The following ZDHHC4 variants were observed in gnomAD, a reference collection of about 807,000 sequenced individuals.
ZDHHC4 encodes the protein palmitoyltransferase ZDHHC4.
A neutral mutation model predicts 36.7 loss-of-function variants in ZDHHC4; 42 were observed. The ratio of observed to expected loss-of-function variants is 1.14; its 90% CI spans 0.89 to 1.48. The LOEUF (loss-of-function observed/expected upper bound fraction) is 1.48, where lower values mean the gene tolerates loss of function less well. Among genes scored for constraint, ZDHHC4 ranks in the 40% most tolerant of loss-of-function variants. The probability of loss-of-function intolerance (pLI) is 0.00; values close to 1 mark genes in which losing one functional copy is unlikely to be tolerated. For missense variants in ZDHHC4, 457 were observed against 421.5 expected (o/e 1.08, Z -0.74); for synonymous variants, 189 against 166.6 (o/e 1.13, Z -1.03).
At chr7:6,582,505 C>T (rs1208657307) in intron 5 of ZDHHC4, among the ~76,000 whole-genome samples, 1 of 151,932 alleles carries the variant, frequency 6.6e-6, no homozygotes, top group East Asian at 1.9e-4. Flanking sequence ...AGCATGTGAT[C>T]GGTATGGTAC....
intron 2 of ZDHHC4, among the ~76,000 whole-genome samples, chr7:6,580,226 C>G (rs201073830): frequency 6.6e-6 from 1 of 152,018 alleles, no homozygotes; most frequent in Non-Finnish European, 1.5e-5. Flanking sequence ...GTCTCGAACT[C>G]CTGAGCTCAA....
Position 6,582,234 on chromosome 7 carries a change from C to G in ZDHHC4, c.353C>G (p.Thr118Ser), listed in dbSNP as rs1358491045. Reference sequence around the variant, plus strand: ...GTAAACCTGTTTTTTTTCACCCTGACTTGTGGAACCAATCCTGGTAAGTTG... The same window carrying G: ...GTAAACCTGTTTTTTTTCACCCTGAGTTGTGGAACCAATCCTGGTAAGTTG... ...LGVNLFFFTL[T>S]CGTNPGIITK... The change falls in exon 5 of 8, where the codon ACT becomes AGT. Residue 118 changes from threonine (T) to serine (S), a missense_variant. Coordinates refer to ENST00000335965, the MANE Select transcript of ZDHHC4 (RefSeq NM_001134389.2). The G allele has an allele frequency of 1.9e-6, 3 of 1,614,036 alleles. No individual in the cohort carries two copies. In the Middle Eastern group the frequency reaches 5.0e-4, roughly 266 times the overall value.
At chr7:6,584,761 A>G in intron 6 of ZDHHC4, 1 of 501,026 alleles carries the variant, frequency 2.0e-6, no homozygotes, top group Non-Finnish European at 3.6e-6. Flanking sequence ...GCCTCTGAGT[A>G]GCTGGGACCA....
chr7:6,581,041 G>A (rs926772334), intron 3 of ZDHHC4: 1 of 273,990 alleles, frequency 3.6e-6, no homozygotes, highest in Non-Finnish European at 7.0e-6. Context: ...CTCTTGCGGT[G>A]GTGCTTTGAG....
chr7:6,581,964 A>G (rs1780882320), intron 4 of ZDHHC4, 109 bp from the exon 5 acceptor site: 1 of 1,104,964 alleles, frequency 9.1e-7, no homozygotes, highest in Non-Finnish European at 1.3e-6. Context: ...AATTCTTACT[A>G]TTATCTCAAG....
chr7:6,577,798 A>T (rs1780539860), intron 1 of ZDHHC4: 1 of 151,860 alleles, frequency 6.6e-6, no homozygotes, highest in Non-Finnish European at 1.5e-5. Context: ...GACTTGGCTT[A>T]TTTCTTCCCA....
At chr7:6,579,492 G>A (rs373197785) in intron 2 of ZDHHC4, among the ~76,000 whole-genome samples, 3 of 152,212 alleles carry the variant, frequency 2.0e-5, no homozygotes, top group Middle Eastern at 3.4e-3. Context: ...GAGCCACCAC[G>A]CTCGGCCTCA....
chr7:6,588,806 G>A lies in ZDHHC4; in HGVS notation c.931G>A (p.Glu311Lys), dbSNP rs767490328. 1 of 1,614,168 alleles carries A rather than the reference G, an allele frequency of 6.2e-7. No homozygotes were observed. Among genetic ancestry groups the A allele is most frequent in the Admixed American group, 1.7e-5 (1 of 60,014 alleles). ...CCTTGTGGCCTGGCCTCCGTCAGCAGAGCCCCAAGTCCACCGGAACATTCA... is the reference window on the plus strand; with the variant it reads ...CCTTGTGGCCTGGCCTCCGTCAGCAAAGCCCCAAGTCCACCGGAACATTCA... ...CPLVAWPPSA[E>K]PQVHRNIHSH... Residue 311 changes from glutamate to lysine, a missense_variant, in exon 8 of 8, where the codon GAG (glutamate) becomes AAG (lysine). Coordinates refer to ENST00000335965, the MANE Select transcript of ZDHHC4 (RefSeq NM_001134389.2).
intron 2 of ZDHHC4, among the ~76,000 whole-genome samples, chr7:6,580,098 G>A (rs1298831788): frequency 6.6e-6 from 1 of 151,962 alleles, no homozygotes; most frequent in African/African-American, 2.4e-5. Flanking sequence ...TCACGCCACC[G>A]CACTGCAACC....
intron 6 of ZDHHC4, 67 bp downstream of exon 6, chr7:6,583,498 G>T: frequency 6.4e-7 from 1 of 1,551,236 alleles, no homozygotes; most frequent in Middle Eastern, 1.7e-4. Context: ...GTCTGTGAGG[G>T]AATGTTTCCT....
rs1781445811 is a variant in ZDHHC4 at position 6,588,708 on chromosome 7, T to C, written c.833T>C (p.Leu278Pro). The C allele has an allele frequency of 2.5e-6, 4 of 1,614,120 alleles. No homozygotes were observed. Among genetic ancestry groups the C allele is most frequent in the Non-Finnish European group, 3.4e-6 (4 of 1,180,044 alleles). Residue 278 changes from leucine to proline, a missense_variant, in exon 8 of 8, where the codon CTG becomes CCG. Physicochemically the swap from Leu to Pro is moderately conservative, Grantham distance 98 (BLOSUM62 -3). Transcript: ENST00000335965. Reference sequence around the variant, plus strand: ...CTGGGTGGCTACCTGTTGTTTGTCCTGTATCTGGCGGCCACCAACCAGACT... The same window carrying C: ...CTGGGTGGCTACCTGTTGTTTGTCCCGTATCTGGCGGCCACCAACCAGACT... ...FLLGGYLLFVLYLAATNQTTN... is the reference protein window; with the variant it reads ...FLLGGYLLFVPYLAATNQTTN...
intron 7 of ZDHHC4, 41 bp from the exon 8 acceptor site, chr7:6,588,576 C>T (rs1562547040): frequency 1.3e-6 from 2 of 1,595,596 alleles, no homozygotes; most frequent in South Asian, 1.1e-5. Context: ...ATGGATGTCA[C>T]AGTCCAGCTG....
Position 6,588,625 on chromosome 7 carries a change from C to T in ZDHHC4, c.750C>T (p.Phe250=), listed in dbSNP as rs372308448. ...CTTTTCTCTGCTCCTAGTACCTGTT[C>T]CTGACTTTTCCACGGATTGTCTTCA... The part of the protein sequence containing the change: ...MDTVFLIQYL[F]LTFPRIVFML... The change falls in exon 8 of 8, where the codon TTC becomes TTT. Residue 250 remains phenylalanine, a synonymous_variant. Transcript: ENST00000335965. 6 of 1,613,968 alleles carry T rather than the reference C, an allele frequency of 3.7e-6. No homozygotes were observed. Among genetic ancestry groups the T allele is most frequent in the Middle Eastern group, 1.6e-4 (1 of 6,084 alleles).
At chr7:6,585,622 T>A (rs564738587) in intron 7 of ZDHHC4, among the ~76,000 whole-genome samples, 1 of 151,752 alleles carries the variant, frequency 6.6e-6, no homozygotes, top group South Asian at 2.1e-4. Context: ...CTGGGCAACA[T>A]GGTGAAACCC....
At chr7:6,580,926 A>G (rs1780802313) in intron 3 of ZDHHC4, 1 of 485,558 alleles carries the variant, frequency 2.1e-6, no homozygotes, top group East Asian at 3.5e-5. Context: ...AACAACAACA[A>G]AAAAGATGCC....
chr7:6,579,011 T>TG (rs1038993301), intron 2 of ZDHHC4, among the ~76,000 whole-genome samples: 16 of 151,884 alleles, frequency 1.1e-4, no homozygotes, highest in African/African-American at 3.6e-4. Context: ...TTTGTAGAGA[T>TG]GGGGGTCTCG....
Position 6,585,315 on chromosome 7 carries a change from T to G in ZDHHC4, c.741+55T>G, listed in dbSNP as rs148411137. On this transcript the variant is annotated intron_variant, in intron 7 of 7. Transcript: ENST00000335965. Reference sequence around the variant, plus strand: ...GTTTCAGAATCGCAAAAAAGACATTTATTTTTCCAGTAAAAGCATGAAGTT... The same window carrying G: ...GTTTCAGAATCGCAAAAAAGACATTGATTTTTCCAGTAAAAGCATGAAGTT... The G allele has an allele frequency of 2.1e-5, 33 of 1,588,288 alleles. No homozygotes were observed. In the African/African-American group the frequency reaches 3.9e-4, roughly 19 times the overall value.
rs1781475937 is a variant in ZDHHC4 at position 6,588,983 on chromosome 7, C to G, written c.*73C>G. ...GTGGATCCTCGTTTTCCAAGCATGG[C>G]TTGTTTGTTTTGATTTCTGCTGTGC... On this transcript the variant is annotated 3_prime_UTR_variant, in exon 8 of 8. Coordinates refer to ENST00000335965, the MANE Select transcript of ZDHHC4 (RefSeq NM_001134389.2). 6.5e-7 allele frequency: 1 copy of G among 1,531,626 alleles called. No homozygotes were observed. Among genetic ancestry groups the G allele is most frequent in the Non-Finnish European group, 8.9e-7 (1 of 1,129,640 alleles). 94.9% of individuals were successfully genotyped at this position (1,531,626 alleles called of 1,614,324 possible).
chr7:6,580,560 G>C lies in ZDHHC4; in HGVS notation c.-2G>C. On this transcript the variant is annotated 5_prime_UTR_variant, in exon 3 of 8. Coordinates refer to ENST00000335965, the MANE Select transcript of ZDHHC4 (RefSeq NM_001134389.2). The stretch of plus-strand genomic sequence containing the variant: ...CTCTTTCTGTTCCTTTGTAGCTGCA[G>C]GATGGACTTTCTGGTCCTCTTCTTG... 1 of 1,613,722 alleles carries C rather than the reference G, an allele frequency of 6.2e-7. No homozygotes were observed. The highest frequency in any genetic ancestry group is 8.5e-7 in the Non-Finnish European group (1 of 1,179,640).
Sources: gnomAD v4.1 joint callset for allele counts (sites outside exome capture counted in the v4.1 genomes callset) on GRCh38, gnomAD v4.1.1 for gene constraint, MANE v1.5 for transcripts, NCBI Gene and HGNC (gene_info 2026-07-23, HGNC 2026-07-21) for gene names.